The following PADI2 variants were observed in gnomAD, a reference collection of about 807,000 sequenced individuals.
PADI2 encodes peptidyl arginine deiminase 2.
PADI2 carries 70 observed loss-of-function variants against 81.1 expected under a neutral mutation model. The observed-to-expected ratio is 0.86, with a 90% CI of 0.71 to 1.05. The LOEUF (loss-of-function observed/expected upper bound fraction) is 1.05. PADI2 is among the 50% of genes least tolerant of loss of function. The pLI, the probability that PADI2 is intolerant of heterozygous loss-of-function variation, is 0.00. For missense variants in PADI2, 853 were observed against 889.9 expected (o/e 0.96, Z 0.53); for synonymous variants, 338 against 358.0 (o/e 0.94, Z 0.63).
At chr1:17,100,981 T>C (rs77688894) in intron 3 of PADI2, among the ~76,000 whole-genome samples, 1 of 151,474 alleles carries the variant, frequency 6.6e-6, no homozygotes, top group Non-Finnish European at 1.5e-5. Flanking sequence ...TATTGATGTA[T>C]TTTTTTTTCT....
intron 1 of PADI2, among the ~76,000 whole-genome samples, chr1:17,111,268 A>G (rs1931570461): frequency 1.3e-5 from 2 of 151,168 alleles, no homozygotes; most frequent in South Asian, 2.1e-4. Context: ...TAATTTTTGT[A>G]TTTTTTAGTA....
In PADI2 at chr1:17,066,790, G is replaced by A. The variant is rs1286090845; in HGVS notation, c.*2254C>T. On this transcript the variant is annotated 3_prime_UTR_variant, in exon 16 of 16. Transcript: ENST00000375486. ...TTCCCCTTGGACCATTTATTTCATTGTTCTTTAGTCGAGCTCTTCCCTAAA... is the reference window on the plus strand; with the variant it reads ...TTCCCCTTGGACCATTTATTTCATTATTCTTTAGTCGAGCTCTTCCCTAAA... The A allele has an allele frequency of 6.6e-6, 1 of 152,140 alleles. No individual in the cohort carries two copies. The highest frequency in any genetic ancestry group is 1.5e-5 in the Non-Finnish European group (1 of 68,036). 9.4% of individuals were successfully genotyped at this position (152,140 alleles called of 1,614,324 possible). A position where few individuals can be genotyped will look rare whatever the true frequency, so the allele number is the denominator to read the frequency against.
intron 1 of PADI2, among the ~76,000 whole-genome samples, chr1:17,113,761 C>T (rs1231501980): frequency 6.6e-6 from 1 of 152,210 alleles, no homozygotes; most frequent in Non-Finnish European, 1.5e-5. Context: ...AAGCCTGGGC[C>T]CATCAAAGCC....
In PADI2 at chr1:17,082,529, G is replaced by A. The variant is rs751701639; in HGVS notation, c.1158+16C>T. The A allele has an allele frequency of 2.5e-5, 37 of 1,481,134 alleles. No homozygotes were observed. Among genetic ancestry groups the A allele is most frequent in the Non-Finnish European group, 5.7e-6 (6 of 1,058,838 alleles). 91.7% of individuals were successfully genotyped at this position (1,481,134 alleles called of 1,614,324 possible). On this transcript the variant is annotated intron_variant, in intron 10 of 15. Transcript: ENST00000375486. The stretch of plus-strand genomic sequence containing the variant: ...CAGGATCATGCTCCACCCGCAAGTG[G>A]CCCTCAGCATCTTACCAGGAGCTCC...
Position 17,082,655 on chromosome 1 carries a change from G to T in PADI2, c.1051-3C>A, listed in dbSNP as rs757679385. On this transcript the variant is annotated splice_region_variant and splice_polypyrimidine_tract_variant and intron_variant, in intron 9 of 15. Transcript: ENST00000375486. ...ATGTAGCCAAACTCAATTTCATCCT[G>T]CAGGGACACCAAGGAGAACTGTTAG... 2.5e-6 allele frequency: 4 copies of T among 1,576,908 alleles called. No individual in the cohort carries two copies. The highest frequency in any genetic ancestry group is 3.5e-6 in the Non-Finnish European group (4 of 1,154,610).
intron 2 of PADI2, among the ~76,000 whole-genome samples, chr1:17,104,231 A>G (rs1000321427): frequency 6.6e-5 from 10 of 151,278 alleles, no homozygotes; most frequent in Non-Finnish European, 1.3e-4. Flanking sequence ...TGGAGCTTGC[A>G]GTGAGCCGAG....
chr1:17,070,531 G>C (rs916774390), intron 14 of PADI2, among the ~76,000 whole-genome samples: 1 of 152,238 alleles, frequency 6.6e-6, no homozygotes, highest in Non-Finnish European at 1.5e-5. Context: ...CACCCCATGA[G>C]CTGAGGATAA....
At chr1:17,079,820 A>G (rs2078331127) in intron 10 of PADI2, among the ~76,000 whole-genome samples, 1 of 146,426 alleles carries the variant, frequency 6.8e-6, no homozygotes, top group African/African-American at 2.5e-5. Context: ...TCTGAGATGG[A>G]GTCTTGCTCT....
At position 17,075,665 on chromosome 1, in the gene PADI2, G is replaced by T. The variant is rs768186531; in HGVS notation, c.1455+14C>A. 2 of 1,606,730 alleles carry T rather than the reference G, an allele frequency of 1.2e-6. No homozygotes were observed. Among genetic ancestry groups the T allele is most frequent in the South Asian group, 2.2e-5 (2 of 90,578 alleles). The stretch of plus-strand genomic sequence containing the variant: ...TGCTACCCCATTCACTCCAGCCTCG[G>T]GAGGCTAGCTTACCTTTGTGCCGGG... On this transcript the variant is annotated intron_variant, in intron 12 of 15. Coordinates refer to ENST00000375486, the MANE Select transcript of PADI2 (RefSeq NM_007365.3).
chr1:17,096,117 C>T lies in PADI2; in HGVS notation c.350-147G>A. ...ACCTCGCTGAAGTCATCTTATGCAA[C>T]CCCCTGCCTCAACATCCCACTACCC... On this transcript the variant is annotated intron_variant, in intron 3 of 15. Transcript: ENST00000375486. The T allele has an allele frequency of 7.6e-6, 4 of 524,774 alleles. 1 individual carries two copies. The South Asian group carries it at 1.1e-4, about 14-fold the overall frequency. 32.5% of individuals were successfully genotyped at this position (524,774 alleles called of 1,614,324 possible).
chr1:17,085,343 C>T (rs1459331937), intron 7 of PADI2, among the ~76,000 whole-genome samples: 4 of 152,062 alleles, frequency 2.6e-5, no homozygotes, highest in African/African-American at 7.2e-5. Flanking sequence ...TGGGGAGGTG[C>T]GGGGGTGGTG....
intron 7 of PADI2, 111 bp from the exon 8 acceptor site, chr1:17,084,813 T>C: frequency 1.5e-6 from 1 of 669,494 alleles, no homozygotes; most frequent in African/African-American, 1.8e-5. Flanking sequence ...TCCTCAGGAC[T>C]TGCTATGCAC....
chr1:17,115,173 G>T lies in PADI2; in HGVS notation c.92+4107C>A, dbSNP rs1332500645. Among the ~76,000 whole-genome samples the T allele has an allele frequency of 6.6e-6, 1 of 152,222 alleles. No individual in the cohort carries two copies. Among genetic ancestry groups the T allele is most frequent in the African/African-American group, 2.4e-5 (1 of 41,456 alleles). On this transcript the variant is annotated intron_variant, in intron 1 of 15. Transcript: ENST00000375486. This position sits in a 1 kb window ranked among gnomAD's most constrained non-coding sequence, Gnocchi z 4.1. The stretch of plus-strand genomic sequence containing the variant: ...TTCCTATCTTCTGCCAGCGAGTTAT[G>T]GGCAAATTATTACTATTTACTTGAT...
chr1:17,118,974 G>A (rs777470559), intron 1 of PADI2, among the ~76,000 whole-genome samples: 15 of 152,118 alleles, frequency 9.9e-5, no homozygotes, highest in Non-Finnish European at 1.9e-4. Flanking sequence ...GGGGTGTGAG[G>A]TCCCCCGGGA....
intron 6 of PADI2, among the ~76,000 whole-genome samples, chr1:17,089,599 T>C (rs1389703982): frequency 1.3e-5 from 2 of 152,142 alleles, no homozygotes; most frequent in East Asian, 3.9e-4. Flanking sequence ...CCGTGGCCTG[T>C]GATTCACAAT....
At chr1:17,077,499 T>A (rs992714859) in intron 11 of PADI2, among the ~76,000 whole-genome samples, 10 of 152,282 alleles carry the variant, frequency 6.6e-5, no homozygotes, top group African/African-American at 2.2e-4. Flanking sequence ...CCTGTTATTC[T>A]TTCTATCGTT....
chr1:17,071,769 AG>A (rs2078266186), intron 13 of PADI2, among the ~76,000 whole-genome samples: 1 of 152,184 alleles, frequency 6.6e-6, no homozygotes, highest in Non-Finnish European at 1.5e-5. Flanking sequence ...CAGTGGGATC[AG>A]GGGTGCTACA....
intron 6 of PADI2, among the ~76,000 whole-genome samples, chr1:17,087,650 A>G (rs546579731): frequency 6.6e-6 from 1 of 152,094 alleles, no homozygotes; most frequent in Admixed American, 6.6e-5. Context: ...ACAGGCGCCC[A>G]CCACCACATA....
chr1:17,086,529 T>G lies in PADI2; in HGVS notation c.826A>C (p.Met276Leu). The change falls in exon 7 of 16, where the codon ATG becomes CTG. Residue 276 changes from methionine (M) to leucine (L), a missense_variant. By Grantham distance (15) the Met-to-Leu change is conservative. Transcript: ENST00000375486. The stretch of plus-strand genomic sequence containing the variant: ...AGGCCTGGAGCCCTCACCTGGGCCA[T>G]GTACTCCAGCAGGCTGACATGGATG... The part of the protein sequence containing the change: ...VSIHVSLLEY[M>L]AQDIPLTPIF... 1 of 1,613,002 alleles carries G rather than the reference T, an allele frequency of 6.2e-7. No individual in the cohort carries two copies. Among genetic ancestry groups the G allele is most frequent in the Non-Finnish European group, 8.5e-7 (1 of 1,179,536 alleles).
Sources: gnomAD v4.1 joint callset for allele counts (sites outside exome capture counted in the v4.1 genomes callset) on GRCh38, gnomAD v4.1.1 for gene constraint, Gnocchi (gnomAD v3.1) non-coding constraint, MANE v1.5 for transcripts, NCBI Gene and HGNC (gene_info 2026-07-23, HGNC 2026-07-21) for gene names.